Variants in SLC8A1 observed in about 807,000 individuals in gnomAD.
The protein encoded by SLC8A1 is solute carrier family 8 member A1, also known as sodium/calcium exchanger 1.
A neutral mutation model predicts 68.3 loss-of-function variants in SLC8A1; 18 were observed. That is an observed-to-expected ratio of 0.26 (90% CI 0.18 to 0.39). The LOEUF (loss-of-function observed/expected upper bound fraction) is 0.39, where lower values mean the gene tolerates loss of function less well. Ranked by LOEUF, SLC8A1 falls within the 10% of genes least tolerant of loss-of-function variation. SLC8A1 has a pLI of 1.00. For missense variants in SLC8A1, 985 were observed against 1,156.7 expected (o/e 0.85, Z 2.15); for synonymous variants, 475 against 415.5 (o/e 1.14, Z -1.74).
intron 1 of SLC8A1, among the ~76,000 whole-genome samples, chr2:40,450,746 A>C (rs1331052099): frequency 2.0e-5 from 3 of 152,250 alleles, no homozygotes; most frequent in Admixed American, 6.5e-5. Flanking sequence ...GGAGAGAGAG[A>C]GAGCGGCTTC....
rs146590861 is a variant in SLC8A1 at position 40,243,319 on chromosome 2, C to A, written c.1809-65464G>T. Among the ~76,000 whole-genome samples, 5 of 152,012 alleles carry A rather than the reference C, an allele frequency of 3.3e-5. No individual in the cohort carries two copies. The South Asian group carries it at 1.0e-3, about 31-fold the overall frequency. On this transcript the variant is annotated intron_variant, in intron 2 of 7. Transcript: ENST00000406785. ...GCAACATGATAAAACCCTGCCTCTA[C>A]CAAAAATACAAATAAATAAATAAAC... is the stretch of plus-strand genomic sequence containing the variant.
intron 2 of SLC8A1, among the ~76,000 whole-genome samples, chr2:40,194,502 T>TGC (rs1221618502): frequency 6.8e-6 from 1 of 146,242 alleles, no homozygotes; most frequent in Non-Finnish European, 1.5e-5. Flanking sequence ...TGTGTGTGTG[T>TGC]GTGTGCGCGC....
At chr2:40,313,700 G>C (rs116379507) in intron 2 of SLC8A1, among the ~76,000 whole-genome samples, 1,689 of 152,052 alleles carry the variant, frequency 0.011, 30 homozygotes, top group African/African-American at 0.039. Context: ...ACAGTACCTG[G>C]ATATGGTCAA....
At chr2:40,482,747 C>A (rs1234185535) in intron 1 of SLC8A1, among the ~76,000 whole-genome samples, 1 of 150,418 alleles carries the variant, frequency 6.6e-6, no homozygotes, top group Admixed American at 6.6e-5. Flanking sequence ...CCCAGAGAGA[C>A]AATGTTTTTC....
At chr2:40,331,191 T>C (rs990116334) in intron 2 of SLC8A1, among the ~76,000 whole-genome samples, 5 of 152,224 alleles carry the variant, frequency 3.3e-5, no homozygotes, top group Admixed American at 6.5e-5. Context: ...AATTGCCATA[T>C]AGTGTGCTAA....
intron 2 of SLC8A1, among the ~76,000 whole-genome samples, chr2:40,298,625 C>A (rs1048583930): frequency 6.6e-6 from 1 of 152,070 alleles, no homozygotes; most frequent in East Asian, 1.9e-4. Context: ...ACCATTTAAT[C>A]TATTTTGAAA....
intron 7 of SLC8A1, among the ~76,000 whole-genome samples, chr2:40,126,166 A>G (rs1311293109): frequency 6.6e-6 from 1 of 152,164 alleles, no homozygotes; most frequent in Non-Finnish European, 1.5e-5. Context: ...TCAGTTTGCC[A>G]GATAACAACT....
At chr2:40,265,617 A>G (rs959032651) in intron 2 of SLC8A1, among the ~76,000 whole-genome samples, 3 of 152,212 alleles carry the variant, frequency 2.0e-5, no homozygotes, top group Admixed American at 2.0e-4. Context: ...GGCCCTTATC[A>G]TAAGCCTGCA....
chr2:40,223,422 G>A (rs986794109), intron 2 of SLC8A1, among the ~76,000 whole-genome samples: 3 of 152,008 alleles, frequency 2.0e-5, no homozygotes, highest in Non-Finnish European at 2.9e-5. Flanking sequence ...TGCAGATGAC[G>A]GGTTGATGGG....
chr2:40,392,245 G>GAAGC (rs148095673), intron 2 of SLC8A1, among the ~76,000 whole-genome samples: 8,163 of 150,986 alleles, frequency 0.054, 253 homozygotes, highest in African/African-American at 0.076. Flanking sequence ...AAAGAGAAAG[G>GAAGC]AAGCAAGCAA....
intron 2 of SLC8A1, among the ~76,000 whole-genome samples, chr2:40,404,387 A>G (rs892482541): frequency 6.6e-6 from 1 of 152,238 alleles, no homozygotes; most frequent in Non-Finnish European, 1.5e-5. Flanking sequence ...GTAATGCAAC[A>G]ATTTTGCTGA....
intron 2 of SLC8A1, among the ~76,000 whole-genome samples, chr2:40,405,613 G>A (rs1470519321): frequency 6.6e-6 from 1 of 152,178 alleles, no homozygotes; most frequent in Admixed American, 6.5e-5. Context: ...TACTTGCATG[G>A]TGGTTTATGG....
chr2:40,107,544 A>G (rs964235640), exon 8 of SLC8A1: 4 of 152,168 alleles, frequency 2.6e-5, no homozygotes, highest in African/African-American at 7.2e-5. Flanking sequence ...AAATAAATGT[A>G]TTTTAAAAAA....
exon 8 of SLC8A1, chr2:40,102,694 G>C (rs1045529880): frequency 2.0e-5 from 3 of 152,146 alleles, no homozygotes; most frequent in Non-Finnish European, 4.4e-5. Flanking sequence ...CTGATTGACA[G>C]CTCTACCAAG....
At chr2:40,298,437 A>G (rs1404086906) in intron 2 of SLC8A1, among the ~76,000 whole-genome samples, 1 of 152,220 alleles carries the variant, frequency 6.6e-6, no homozygotes, top group Non-Finnish European at 1.5e-5. Context: ...TTATGAAGAC[A>G]GTCTTTATAT....
intron 2 of SLC8A1, among the ~76,000 whole-genome samples, chr2:40,284,781 C>T (rs527952559): frequency 7.9e-5 from 12 of 151,822 alleles, no homozygotes; most frequent in South Asian, 6.2e-4. Flanking sequence ...AAATGTCATC[C>T]GTGCAAACAA....
Position 40,233,879 on chromosome 2 carries a change from T to A in SLC8A1, c.1809-56024A>T, listed in dbSNP as rs1574450629. ...ATCCTTTCCCCATTGCTTGTTTTTC[T>A]CAGGTTTGTCAAAGATCAGATAGTT... On this transcript the variant is annotated intron_variant, in intron 2 of 7. Coordinates refer to ENST00000406785, the Ensembl canonical transcript of SLC8A1. Among the ~76,000 whole-genome samples the A allele has an allele frequency of 2.6e-5, 4 of 151,782 alleles. No homozygotes were observed. In the East Asian group the frequency reaches 7.8e-4, roughly 30 times the overall value.
At chr2:40,173,444 C>T (rs1316408403) in intron 4 of SLC8A1, among the ~76,000 whole-genome samples, 1 of 152,174 alleles carries the variant, frequency 6.6e-6, no homozygotes, top group Non-Finnish European at 1.5e-5. Flanking sequence ...TCCCTTTCAA[C>T]TTCTGTGTGT....
At chr2:40,486,022 G>C (rs1027794763) in intron 1 of SLC8A1, among the ~76,000 whole-genome samples, 59 of 152,294 alleles carry the variant, frequency 3.9e-4, no homozygotes, top group African/African-American at 1.4e-3. Flanking sequence ...TTGTGGGAAG[G>C]ACACAGTGGG....
Sources: gnomAD v4.1 joint callset for allele counts (sites outside exome capture counted in the v4.1 genomes callset) on GRCh38, gnomAD v4.1.1 for gene constraint, MANE v1.5 for transcripts, NCBI Gene and HGNC (gene_info 2026-07-23, HGNC 2026-07-21) for gene names.